The following FAM120C variants were observed in gnomAD, a reference collection of about 807,000 sequenced individuals.
FAM120C encodes family with sequence similarity 120 member C.
In FAM120C, 14 loss-of-function variants were observed where a neutral mutation model predicts 71.2. That is an observed-to-expected ratio of 0.20 (90% CI 0.13 to 0.31). The LOEUF is 0.31. Ranked by LOEUF, FAM120C falls within the 10% of genes least tolerant of loss-of-function variation. The pLI, the probability that FAM120C is intolerant of heterozygous loss-of-function variation, is 1.00. For synonymous variants in FAM120C, 354 were observed against 353.2 expected (o/e 1.00, Z -0.03); for missense variants, 500 against 879.0 (o/e 0.57, Z 5.45).
chrX:54,153,853 A>G (rs1220598094), intron 3 of FAM120C, among the ~76,000 whole-genome samples: 2 of 109,631 alleles, frequency 1.8e-5, no homozygotes, highest in Non-Finnish European at 3.8e-5. Flanking sequence ...GGCTTGAGCC[A>G]CCACGCCCGG....
At chrX:54,118,699 CTTTTTTTTTTTTTTT>C (rs1187381929) in intron 9 of FAM120C, among the ~76,000 whole-genome samples, 1 of 31,719 alleles carries the variant, frequency 3.2e-5, no homozygotes, top group Non-Finnish European at 5.5e-5. Context: ...TTCTTTTTTT[CTTTTTTTTTTTTTTT>C]TTTTTTTTTT....
chrX:54,168,423 C>T (rs1311286643), intron 1 of FAM120C, among the ~76,000 whole-genome samples: 1 of 112,292 alleles, frequency 8.9e-6, no homozygotes, highest in Non-Finnish European at 1.9e-5. Flanking sequence ...GCATGAGCCA[C>T]TGCACCTGGC....
chrX:54,170,581 T>C (rs2067282641), intron 1 of FAM120C, among the ~76,000 whole-genome samples: 1 of 112,296 alleles, frequency 8.9e-6, no homozygotes, highest in African/African-American at 3.2e-5. Context: ...AACTGTACTT[T>C]AGATACTAAC....
chrX:54,152,112 G>A (rs2067187083), intron 3 of FAM120C, among the ~76,000 whole-genome samples: 1 of 107,850 alleles, frequency 9.3e-6, no homozygotes, highest in African/African-American at 3.4e-5. Flanking sequence ...CTGCTTCCCG[G>A]GTTGAAGCGA....
chrX:54,109,608 C>G (rs1205945619), intron 10 of FAM120C, among the ~76,000 whole-genome samples: 1 of 106,148 alleles, frequency 9.4e-6, no homozygotes, highest in African/African-American at 3.4e-5. Context: ...GAGCAAGACC[C>G]TGGCTATAAA....
intron 1 of FAM120C, among the ~76,000 whole-genome samples, chrX:54,167,075 G>A (rs1025883897): frequency 1.8e-5 from 2 of 111,903 alleles, no homozygotes; most frequent in African/African-American, 6.5e-5. Context: ...TGATTCAGTA[G>A]GTCTAGGGTC....
intron 1 of FAM120C, among the ~76,000 whole-genome samples, chrX:54,164,080 T>TGC (rs2067248249): frequency 9.1e-6 from 1 of 110,262 alleles, no homozygotes; most frequent in Non-Finnish European, 1.9e-5. Context: ...TATAGGCACA[T>TGC]GCCACCAGGT....
At chrX:54,132,535 G>A (rs111644620) in intron 9 of FAM120C, among the ~76,000 whole-genome samples, 157 bp downstream of exon 9, 8 of 111,728 alleles carry the variant, frequency 7.2e-5, no homozygotes, top group East Asian at 5.6e-4. Context: ...GCAGAATTGG[G>A]GCTTAAGTTA....
At chrX:54,141,798 T>C (rs950157642) in intron 4 of FAM120C, among the ~76,000 whole-genome samples, 7 of 111,560 alleles carry the variant, frequency 6.3e-5, no homozygotes, top group East Asian at 2.8e-4. Context: ...CAAAAATCAA[T>C]TGCATTTCTA....
intron 10 of FAM120C, among the ~76,000 whole-genome samples, chrX:54,100,420 G>A (rs1199271514): frequency 3.6e-5 from 4 of 111,960 alleles, no homozygotes; most frequent in African/African-American, 9.7e-5. Context: ...GTGAACCGGG[G>A]AGGCGGAGCT....
At chrX:54,171,469 C>T (rs782629030) in intron 1 of FAM120C, 3 of 112,150 alleles carry the variant, frequency 2.7e-5, no homozygotes, top group African/African-American at 6.5e-5. Context: ...TTTATACATG[C>T]AAAATACTGG....
rs1049778764 is a variant in FAM120C at position 54,085,566 on chromosome X, G to C, written c.2839+149C>G. 1.3e-5 allele frequency: 7 copies of C among 534,115 alleles called. 1 individual carries two copies. In the East Asian group the frequency reaches 2.6e-4, roughly 20 times the overall value. The allele number at this position is 534,115 out of a possible 1,213,427, so 44.0% of individuals were successfully genotyped here. A position where few individuals can be genotyped will look rare whatever the true frequency, so the allele number is the denominator to read the frequency against. ...CACACTATTGCACTCCAGCCTGGGC[G>C]ACAAGAGTGAAACTCCGTCTAAAAA... is the stretch of plus-strand genomic sequence containing the variant. On this transcript the variant is annotated intron_variant, in intron 13 of 15. Coordinates refer to ENST00000375180, the MANE Select transcript of FAM120C (RefSeq NM_017848.6).
At chrX:54,097,957 G>A (rs1461264478) in intron 10 of FAM120C, among the ~76,000 whole-genome samples, 20 of 109,383 alleles carry the variant, frequency 1.8e-4, no homozygotes, top group Admixed American at 4.9e-4. Context: ...CGATCTCCTG[G>A]CCTCGTGATC....
At chrX:54,116,996 C>G (rs1557126689) in intron 9 of FAM120C, among the ~76,000 whole-genome samples, 1 of 111,285 alleles carries the variant, frequency 9.0e-6, no homozygotes, top group Non-Finnish European at 1.9e-5. Context: ...CTCATTAATC[C>G]TCACAAAAAT....
At chrX:54,086,856 G>A (rs1230998813) in intron 12 of FAM120C, among the ~76,000 whole-genome samples, 1 of 109,975 alleles carries the variant, frequency 9.1e-6, no homozygotes, top group Non-Finnish European at 1.9e-5. Context: ...AACAGAGGGT[G>A]GTCTGTATTA....
intron 15 of FAM120C, among the ~76,000 whole-genome samples, chrX:54,079,785 G>A (rs1303647221): frequency 5.5e-5 from 6 of 108,396 alleles, no homozygotes; most frequent in Admixed American, 2.0e-4. Flanking sequence ...CAACAAGAGC[G>A]CAACTCCGTC....
intron 15 of FAM120C, among the ~76,000 whole-genome samples, chrX:54,078,013 G>A (rs933722483): frequency 2.3e-5 from 2 of 88,271 alleles, no homozygotes; most frequent in Non-Finnish European, 4.3e-5. Context: ...GCGCGATCTC[G>A]GCTCACTGCA....
In FAM120C at chrX:54,182,926, G is replaced by C. The variant is rs2067360612; in HGVS notation, c.273C>G (p.Phe91Leu). 2 of 1,158,140 alleles carry C rather than the reference G, an allele frequency of 1.7e-6. No homozygotes were observed. The highest frequency in any genetic ancestry group is 2.3e-6 in the Non-Finnish European group (2 of 870,249). The change falls in exon 1 of 16, where the codon TTC becomes TTG. Residue 91 changes from phenylalanine (F) to leucine (L), a missense_variant. Phe to Leu is a conservative substitution (Grantham distance 22). Coordinates refer to ENST00000375180, the MANE Select transcript of FAM120C (RefSeq NM_017848.6). ...CGGGCTGCGCTTGGCCATGATGGTGGAAGTGGTGAGCGGGGTGATGGTGCC... is the reference window on the plus strand; with the variant it reads ...CGGGCTGCGCTTGGCCATGATGGTGCAAGTGGTGAGCGGGGTGATGGTGCC... The part of the protein sequence containing the change: ...PTRHHHPAHH[F>L]HHHGQAQPGL...
chrX:54,163,964 G>A (rs781942559), intron 1 of FAM120C, among the ~76,000 whole-genome samples: 23 of 104,953 alleles, frequency 2.2e-4, no homozygotes, highest in South Asian at 8.4e-4. Flanking sequence ...ACAGAGTCTC[G>A]CTCTGTTGCC....
Sources: allele counts gnomAD v4.1 joint callset (sites outside exome capture counted in the v4.1 genomes callset), GRCh38; gene constraint gnomAD v4.1.1; transcripts MANE v1.5; gene names NCBI Gene and HGNC (gene_info 2026-07-23, HGNC 2026-07-21).